RBFOX1: variants seen among roughly 807,000 people sequenced by gnomAD.
RBFOX1 encodes the protein RNA binding protein fox-1 homolog 1.
A neutral mutation model predicts 57.7 loss-of-function variants in RBFOX1; 8 were observed. The ratio of observed to expected loss-of-function variants is 0.14; its 90% CI spans 0.08 to 0.25. The LOEUF (loss-of-function observed/expected upper bound fraction) is 0.25. Ranked by LOEUF, RBFOX1 falls within the 10% of genes least tolerant of loss-of-function variation. The pLI is 1.00. For missense variants in RBFOX1, 611 were observed against 548.5 expected, an observed-to-expected ratio of 1.11 and a Z score of -1.14; for synonymous variants, 326 against 222.4, an observed-to-expected ratio of 1.47 and a Z score of -4.15.
chr16:6,692,417 C>T (rs2060331177), intron 3 of RBFOX1, among the ~76,000 whole-genome samples: 1 of 152,090 alleles, frequency 6.6e-6, no homozygotes, highest in Non-Finnish European at 1.5e-5. Flanking sequence ...CATTTAAATC[C>T]ATCCTACTCA....
intron 3 of RBFOX1, among the ~76,000 whole-genome samples, chr16:6,743,933 C>T (rs558613836): frequency 1.3e-5 from 2 of 151,088 alleles, no homozygotes; most frequent in African/African-American, 4.9e-5. Context: ...AAATGATTTT[C>T]CAGTTTTTCA....
At chr16:7,349,325 A>G (rs1478684898) in intron 4 of RBFOX1, among the ~76,000 whole-genome samples, 5 of 152,108 alleles carry the variant, frequency 3.3e-5, no homozygotes, top group African/African-American at 1.2e-4. Flanking sequence ...CGCATGTCTA[A>G]GGCGCAAGAT....
intron 1 of RBFOX1, 130 bp downstream of exon 1, chr16:6,020,122 G>C: frequency 9.0e-7 from 1 of 1,109,182 alleles, no homozygotes; most frequent in Non-Finnish European, 1.2e-6. Flanking sequence ...GGGCGCTCTG[G>C]ACGGGAACTT....
At chr16:6,985,239 C>G (rs2089985088) in intron 3 of RBFOX1, among the ~76,000 whole-genome samples, 1 of 149,194 alleles carries the variant, frequency 6.7e-6, no homozygotes, top group Admixed American at 6.7e-5. Flanking sequence ...CTTGTCTTTT[C>G]TGGGCTACAT....
intron 3 of RBFOX1, among the ~76,000 whole-genome samples, chr16:7,025,680 G>C (rs1470274807): frequency 1.3e-5 from 2 of 152,146 alleles, no homozygotes; most frequent in Non-Finnish European, 2.9e-5. Flanking sequence ...GCTGGAGAAG[G>C]CCTGGCCTGG....
chr16:7,432,312 C>G (rs1386886500), intron 4 of RBFOX1, among the ~76,000 whole-genome samples: 1 of 152,192 alleles, frequency 6.6e-6, no homozygotes. Context: ...ATTCTCTGCA[C>G]AAATAACTCC....
intron 1 of RBFOX1, among the ~76,000 whole-genome samples, chr16:6,042,443 A>G (rs1287122779): frequency 2.0e-5 from 3 of 152,130 alleles, no homozygotes; most frequent in Admixed American, 6.5e-5. Context: ...TACTGGACCT[A>G]TCCAGATAGT....
intron 1 of RBFOX1, among the ~76,000 whole-genome samples, chr16:6,114,355 C>T (rs185093672): frequency 6.6e-6 from 1 of 152,190 alleles, no homozygotes; most frequent in Non-Finnish European, 1.5e-5. Flanking sequence ...AATAATATCT[C>T]ATGCGGCATT....
At chr16:6,674,999 A>T (rs769154882) in intron 3 of RBFOX1, among the ~76,000 whole-genome samples, 1 of 151,952 alleles carries the variant, frequency 6.6e-6, no homozygotes, top group Non-Finnish European at 1.5e-5. Context: ...TCTGCCTCCC[A>T]GGTTCAAGCC....
At chr16:5,846,529 A>T (rs1384502307) in intron 3 of RBFOX1, among the ~76,000 whole-genome samples, 2 of 152,178 alleles carry the variant, frequency 1.3e-5, no homozygotes, top group African/African-American at 4.8e-5. Context: ...CCAACTGGGT[A>T]GATGGAGGAA....
chr16:5,374,723 T>G (rs2065943099), intron 1 of RBFOX1, among the ~76,000 whole-genome samples: 1 of 151,824 alleles, frequency 6.6e-6, no homozygotes, highest in Admixed American at 6.6e-5. Context: ...TGTTTTTTTT[T>G]TTTTGAAGAA....
intron 3 of RBFOX1, among the ~76,000 whole-genome samples, chr16:6,843,915 A>T (rs1282456444): frequency 2.0e-5 from 3 of 152,136 alleles, no homozygotes; most frequent in Non-Finnish European, 4.4e-5. Context: ...TGGGGGGGAA[A>T]TTACCAGAAT....
chr16:5,973,062 G>T (rs1036601299), intron 4 of RBFOX1, among the ~76,000 whole-genome samples: 1 of 152,138 alleles, frequency 6.6e-6, no homozygotes, highest in Non-Finnish European at 1.5e-5. Context: ...AAAGGTGTGT[G>T]GCAGAAGGTT....
chr16:6,298,925 A>C (rs2078459338), intron 1 of RBFOX1, among the ~76,000 whole-genome samples: 1 of 152,156 alleles, frequency 6.6e-6, no homozygotes, highest in Non-Finnish European at 1.5e-5. Flanking sequence ...GAGGTTAAGA[A>C]CCCAGAGGGG....
intron 2 of RBFOX1, among the ~76,000 whole-genome samples, chr16:5,562,320 G>A (rs536391541): frequency 6.6e-6 from 1 of 152,184 alleles, no homozygotes; most frequent in Non-Finnish European, 1.5e-5. Context: ...ACAGCTGCCC[G>A]AGAAAGCTGC....
chr16:7,089,134 A>G (rs1337590387), intron 4 of RBFOX1, among the ~76,000 whole-genome samples: 1 of 151,718 alleles, frequency 6.6e-6, no homozygotes, highest in Non-Finnish European at 1.5e-5. Context: ...CTCCATTTCC[A>G]CCCGGTTTAG....
chr16:5,393,853 A>T (rs1430095562), intron 1 of RBFOX1, among the ~76,000 whole-genome samples: 2 of 151,818 alleles, frequency 1.3e-5, no homozygotes, highest in Non-Finnish European at 2.9e-5. Context: ...GAAGCCCCAC[A>T]CCCATTAAAC....
chr16:7,047,196 C>A (rs1441931286), intron 3 of RBFOX1, among the ~76,000 whole-genome samples: 1 of 152,078 alleles, frequency 6.6e-6, no homozygotes, highest in Non-Finnish European at 1.5e-5. Context: ...TATCCTATTT[C>A]CTTTATCTGG....
intron 2 of RBFOX1, among the ~76,000 whole-genome samples, chr16:6,435,739 G>T (rs2094215725): frequency 1.3e-5 from 2 of 152,192 alleles, no homozygotes; most frequent in Non-Finnish European, 2.9e-5. Context: ...ATGTTTGCAA[G>T]ATTTTATGGC....
Sources: gnomAD v4.1 joint callset for allele counts (sites outside exome capture counted in the v4.1 genomes callset) on GRCh38, gnomAD v4.1.1 for gene constraint, MANE v1.5 for transcripts, NCBI Gene and HGNC (gene_info 2026-07-23, HGNC 2026-07-21) for gene names.